LRRC7: variants seen among roughly 807,000 people sequenced by gnomAD.
LRRC7 encodes leucine-rich repeat-containing protein 7.
In LRRC7, 23 loss-of-function variants were observed where a neutral mutation model predicts 175.7. That is an observed-to-expected ratio of 0.13 (90% CI 0.09 to 0.19). The LOEUF (loss-of-function observed/expected upper bound fraction) is 0.19, where lower values mean the gene tolerates loss of function less well. Ranked by LOEUF, LRRC7 falls within the 10% of genes least tolerant of loss-of-function variation. The pLI is 1.00. For synonymous variants in LRRC7, 685 were observed against 680.9 expected (o/e 1.01, Z -0.09); for missense variants, 1,354 against 1,904.7 (o/e 0.71, Z 5.38).
At chr1:69,688,986 G>A (rs1265130615) in intron 2 of LRRC7, among the ~76,000 whole-genome samples, 2 of 152,172 alleles carry the variant, frequency 1.3e-5, no homozygotes, top group Non-Finnish European at 2.9e-5. Context: ...AAAGGATAGA[G>A]GAGGTGGTAC....
intron 1 of LRRC7, among the ~76,000 whole-genome samples, chr1:69,608,868 A>C (rs12564477): frequency 2.7e-3 from 91 of 34,122 alleles, no homozygotes; most frequent in African/African-American, 6.3e-3. Flanking sequence ...CTCTCTCTCT[A>C]TATATATATA....
rs650740 is a variant in LRRC7, at chr1:70,133,937, A to G, written c.*12050A>G. Among the ~76,000 whole-genome samples, 100,064 of 151,992 alleles carry G rather than the reference A, an allele frequency of 0.66. 33,118 individuals are homozygous for G. The highest frequency in any genetic ancestry group is 0.68 in the African/African-American group (28,366 of 41,426). On this transcript the variant is annotated 3_prime_UTR_variant, in exon 27 of 27. Coordinates refer to ENST00000651989, the MANE Select transcript of LRRC7 (RefSeq NM_001370785.2). ...ATTTATTTTTAAAGTTAACTTTCCA[A>G]AACTTAAACATCAGGAACTGTGGTT...
At chr1:69,765,826 A>G (rs886653591) in intron 3 of LRRC7, among the ~76,000 whole-genome samples, 5 of 152,018 alleles carry the variant, frequency 3.3e-5, no homozygotes, top group African/African-American at 1.2e-4. Context: ...TTCTATCTAG[A>G]CTCCTAACCA....
At chr1:69,763,793 G>A (rs939202617) in intron 3 of LRRC7, among the ~76,000 whole-genome samples, 3 of 151,986 alleles carry the variant, frequency 2.0e-5, no homozygotes, top group African/African-American at 7.2e-5. Context: ...AATTATTTTT[G>A]TCTGCCATTT....
chr1:69,892,228 T>C (rs893659160), intron 7 of LRRC7, among the ~76,000 whole-genome samples: 4 of 152,166 alleles, frequency 2.6e-5, no homozygotes, highest in African/African-American at 9.7e-5. Context: ...TAGGAAAGTC[T>C]GACATATATT....
intron 5 of LRRC7, among the ~76,000 whole-genome samples, chr1:69,826,511 T>C (rs1330749057): frequency 1.3e-5 from 2 of 152,050 alleles, no homozygotes; most frequent in Non-Finnish European, 2.9e-5. Context: ...ATAAATTGAT[T>C]GGAGGAGTCA....
At chr1:69,678,714 A>G (rs1474875952) in intron 2 of LRRC7, among the ~76,000 whole-genome samples, 1 of 152,138 alleles carries the variant, frequency 6.6e-6, no homozygotes, top group Admixed American at 6.6e-5. Context: ...ATCAAGTTCC[A>G]TGTTCAAATG....
At chr1:69,911,535 A>T (rs1346805993) in intron 7 of LRRC7, among the ~76,000 whole-genome samples, 1 of 151,996 alleles carries the variant, frequency 6.6e-6, no homozygotes, top group Non-Finnish European at 1.5e-5. Flanking sequence ...GGTTGTTTTG[A>T]TTTGCATGCT....
chr1:69,800,419 C>T (rs1158386181), intron 4 of LRRC7, among the ~76,000 whole-genome samples: 1 of 151,840 alleles, frequency 6.6e-6, no homozygotes, highest in Non-Finnish European at 1.5e-5. Context: ...CAATTTGTTT[C>T]ACCAGTGTAT....
At chr1:69,952,106 A>G (rs1469131636) in intron 8 of LRRC7, among the ~76,000 whole-genome samples, 2 of 152,010 alleles carry the variant, frequency 1.3e-5, no homozygotes, top group African/African-American at 4.8e-5. Flanking sequence ...GGGGTTCTGG[A>G]AAATAACATA....
At chr1:69,718,461 T>G (rs777492957) in intron 2 of LRRC7, among the ~76,000 whole-genome samples, 1 of 151,834 alleles carries the variant, frequency 6.6e-6, no homozygotes, top group Non-Finnish European at 1.5e-5. Context: ...GCTTGGAACA[T>G]AACATTCGTA....
intron 2 of LRRC7, among the ~76,000 whole-genome samples, chr1:69,756,846 G>C (rs1670486032): frequency 6.6e-6 from 1 of 151,888 alleles, no homozygotes; most frequent in Non-Finnish European, 1.5e-5. Flanking sequence ...AGTAATTCTA[G>C]GATGACAGCT....
chr1:69,733,992 CTTTTA>C (rs538910775), intron 2 of LRRC7, among the ~76,000 whole-genome samples: 16 of 151,890 alleles, frequency 1.1e-4, no homozygotes, highest in Non-Finnish European at 2.1e-4. Flanking sequence ...TGAGGTGGTT[CTTTTA>C]TTTGTAATAA....
At chr1:69,780,955 T>C (rs1182330607) in intron 3 of LRRC7, among the ~76,000 whole-genome samples, 1 of 152,186 alleles carries the variant, frequency 6.6e-6, no homozygotes, top group Non-Finnish European at 1.5e-5. Flanking sequence ...ACACAACTAA[T>C]ACTTTTGTAT....
chr1:69,757,499 G>A (rs1455488328), intron 2 of LRRC7, among the ~76,000 whole-genome samples: 1 of 151,876 alleles, frequency 6.6e-6, no homozygotes, highest in East Asian at 1.9e-4. Context: ...GAAGAAGCTG[G>A]GCCAAGGAAG....
chr1:69,910,348 G>A lies in LRRC7; in HGVS notation c.648-21159G>A, dbSNP rs183893520. 5.3e-5 allele frequency among the ~76,000 whole-genome samples: 8 copies of A among 152,234 alleles called. No individual in the cohort carries two copies. In the East Asian group the frequency reaches 1.2e-3, roughly 22 times the overall value. On this transcript the variant is annotated intron_variant, in intron 7 of 26. Transcript: ENST00000651989. ...ACTTTTGGTCTTTGATGATGGTGAC[G>A]TACAGAAGGGTTTTGTGTGGATGTC...
chr1:69,989,842 T>C (rs1236006376), intron 10 of LRRC7, among the ~76,000 whole-genome samples: 2 of 152,136 alleles, frequency 1.3e-5, no homozygotes, highest in East Asian at 3.8e-4. Context: ...CTCATTGTTC[T>C]GAAACTGCAA....
intron 9 of LRRC7, among the ~76,000 whole-genome samples, chr1:69,981,425 T>C (rs1272636011): frequency 6.6e-6 from 1 of 152,192 alleles, no homozygotes; most frequent in Admixed American, 6.5e-5. Flanking sequence ...GGAAAAATAA[T>C]TAATGCTTTT....
intron 1 of LRRC7, among the ~76,000 whole-genome samples, chr1:69,660,197 T>G (rs1440922066): frequency 6.6e-6 from 1 of 152,074 alleles, no homozygotes; most frequent in African/African-American, 2.4e-5. Flanking sequence ...AATATTATTT[T>G]TAGCTCTTAC....
Sources: gnomAD v4.1 joint callset for allele counts (sites outside exome capture counted in the v4.1 genomes callset) on GRCh38, gnomAD v4.1.1 for gene constraint, MANE v1.5 for transcripts, NCBI Gene and HGNC (gene_info 2026-07-23, HGNC 2026-07-21) for gene names.